The following DLGAP1 variants were observed in gnomAD, a reference collection of about 807,000 sequenced individuals.
DLGAP1 encodes the protein disks large-associated protein 1.
Under a neutral mutation model 90.8 loss-of-function variants are expected in DLGAP1, and 11 were observed. That is an observed-to-expected ratio of 0.12 (90% CI 0.08 to 0.20). DLGAP1 has a LOEUF of 0.20. Ranked by LOEUF, DLGAP1 falls within the 10% of genes least tolerant of loss-of-function variation. DLGAP1 has a pLI of 1.00. For synonymous variants in DLGAP1, 558 were observed against 540.7 expected, an observed-to-expected ratio of 1.03 and a Z score of -0.44; for missense variants, 1,050 against 1,333.8, an observed-to-expected ratio of 0.79 and a Z score of 3.31.
At chr18:4,096,136 C>T (rs1416339941) in intron 2 of DLGAP1, among the ~76,000 whole-genome samples, 4 of 152,290 alleles carry the variant, frequency 2.6e-5, no homozygotes, top group South Asian at 2.1e-4. Flanking sequence ...AGTGATTCTC[C>T]TGCTTCAGCC....
chr18:3,977,434 G>GGTTTTTT (rs767760816), intron 3 of DLGAP1, among the ~76,000 whole-genome samples: 20 of 95,338 alleles, frequency 2.1e-4, no homozygotes, highest in African/African-American at 5.8e-4. Context: ...TTTATTCTGT[G>GGTTTTTT]TTTTTTTTTT....
At chr18:4,263,859 T>C (rs1181429427) in intron 1 of DLGAP1, among the ~76,000 whole-genome samples, 1 of 152,220 alleles carries the variant, frequency 6.6e-6, no homozygotes, top group African/African-American at 2.4e-5. Flanking sequence ...AATGAGAAGA[T>C]ATGATTTATA....
intron 2 of DLGAP1, among the ~76,000 whole-genome samples, chr18:4,022,585 A>G (rs1282494635): frequency 2.0e-5 from 3 of 152,190 alleles, no homozygotes; most frequent in Non-Finnish European, 2.9e-5. Context: ...TGCTTTTTAC[A>G]TTCCATCATA....
chr18:3,616,315 G>C (rs2057862103), intron 7 of DLGAP1, among the ~76,000 whole-genome samples: 1 of 152,108 alleles, frequency 6.6e-6, no homozygotes. Flanking sequence ...TGTCTGACCT[G>C]ACTACTCTAT....
chr18:3,642,786 T>C (rs1230127325), intron 7 of DLGAP1, among the ~76,000 whole-genome samples: 1 of 152,224 alleles, frequency 6.6e-6, no homozygotes, highest in Non-Finnish European at 1.5e-5. Flanking sequence ...TAAGATACAT[T>C]CTTTGTCCAG....
chr18:4,279,994 A>C (rs1185892504), intron 1 of DLGAP1, among the ~76,000 whole-genome samples: 3 of 152,180 alleles, frequency 2.0e-5, no homozygotes, highest in Non-Finnish European at 4.4e-5. Flanking sequence ...ATAATGAATA[A>C]AAACAAGCTG....
chr18:4,446,282 G>T lies in DLGAP1; in HGVS notation c.-267+8724C>A, dbSNP rs373467408. On this transcript the variant is annotated intron_variant, in intron 1 of 12. Coordinates refer to ENST00000315677, the MANE Select transcript of DLGAP1 (RefSeq NM_004746.4). The stretch of plus-strand genomic sequence containing the variant: ...AGCGAATGGGATTGTTGCTCTTTTG[G>T]GGGGCTCCAGGACAAAGTTTGAGGA... 3.4e-4 allele frequency among the ~76,000 whole-genome samples: 51 copies of T among 152,192 alleles called. No individual in the cohort carries two copies. The East Asian group carries it at 9.3e-3, about 28-fold the overall frequency.
At chr18:3,592,868 GAAAAAGAA>G (rs2056341931) in intron 7 of DLGAP1, among the ~76,000 whole-genome samples, 1 of 47,816 alleles carries the variant, frequency 2.1e-5, no homozygotes, top group Admixed American at 2.6e-4. Flanking sequence ...AAAAAAAAAA[GAAAAAGAA>G]AGAAAGAAAA....
rs554224735 is a variant in DLGAP1 at position 3,762,306 on chromosome 18, A to G, written c.1173-19794T>C. Reference sequence around the variant, plus strand: ...AGTTTATGAACCAGTAAGAAAAGAAATAACTTTATTGCTAAGAAAGATGTA... The same window carrying G: ...AGTTTATGAACCAGTAAGAAAAGAAGTAACTTTATTGCTAAGAAAGATGTA... On this transcript the variant is annotated intron_variant, in intron 5 of 12. Coordinates refer to ENST00000315677, the MANE Select transcript of DLGAP1 (RefSeq NM_004746.4). Among the ~76,000 whole-genome samples, 10 of 152,376 alleles carry G rather than the reference A, an allele frequency of 6.6e-5. No homozygotes were observed. The South Asian group carries it at 8.3e-4, about 13-fold the overall frequency.
intron 1 of DLGAP1, among the ~76,000 whole-genome samples, chr18:4,197,485 T>C (rs1328686573): frequency 2.0e-5 from 3 of 152,044 alleles, no homozygotes; most frequent in Non-Finnish European, 2.9e-5. Flanking sequence ...CGATCAAGTC[T>C]GTATTGGAGG....
intron 2 of DLGAP1, among the ~76,000 whole-genome samples, chr18:4,099,479 A>C (rs979388950): frequency 5.9e-5 from 9 of 152,180 alleles, no homozygotes; most frequent in Non-Finnish European, 1.2e-4. Context: ...TGTACACTGC[A>C]CTGTAGTTTA....
intron 2 of DLGAP1, among the ~76,000 whole-genome samples, chr18:4,013,199 T>G (rs1346804437): frequency 6.6e-6 from 1 of 152,206 alleles, no homozygotes; most frequent in East Asian, 1.9e-4. Context: ...CAAATCATGA[T>G]TGCAAATGCT....
intron 1 of DLGAP1, among the ~76,000 whole-genome samples, chr18:4,343,996 TGATG>T (rs747846538): frequency 1.3e-5 from 2 of 152,216 alleles, no homozygotes; most frequent in Non-Finnish European, 2.9e-5. Flanking sequence ...AAAATGATGA[TGATG>T]AATTGTGGTT....
intron 9 of DLGAP1, among the ~76,000 whole-genome samples, chr18:3,559,380 G>A (rs2144966746): frequency 6.6e-6 from 1 of 152,192 alleles, no homozygotes; most frequent in South Asian, 2.1e-4. Flanking sequence ...GGGTTAAACT[G>A]ATTATCTAGT....
intron 1 of DLGAP1, among the ~76,000 whole-genome samples, chr18:4,185,103 T>C (rs924195254): frequency 1.3e-5 from 2 of 152,122 alleles, no homozygotes; most frequent in Non-Finnish European, 2.9e-5. Context: ...GTCTGTTAAA[T>C]ACTATTTACC....
At chr18:3,847,326 G>C (rs897768964) in intron 4 of DLGAP1, among the ~76,000 whole-genome samples, 1 of 152,152 alleles carries the variant, frequency 6.6e-6, no homozygotes, top group African/African-American at 2.4e-5. Flanking sequence ...GAGAAAGGAT[G>C]ACCCCAAATG....
At chr18:3,661,225 T>C (rs973076841) in intron 7 of DLGAP1, among the ~76,000 whole-genome samples, 1 of 152,218 alleles carries the variant, frequency 6.6e-6, no homozygotes, top group Non-Finnish European at 1.5e-5. Flanking sequence ...AGCCTTAACA[T>C]GACTGCAAAA....
intron 3 of DLGAP1, among the ~76,000 whole-genome samples, chr18:3,991,181 AC>A (rs1420370319): frequency 5.3e-5 from 8 of 152,178 alleles, no homozygotes; most frequent in African/African-American, 1.2e-4. Context: ...ATATAAAAAA[AC>A]AAAAAACAAA....
chr18:3,640,557 GGCCC>G (rs2058900601), intron 7 of DLGAP1, among the ~76,000 whole-genome samples: 2 of 152,342 alleles, frequency 1.3e-5, no homozygotes, highest in South Asian at 4.1e-4. Flanking sequence ...CGGCAGGTCA[GGCCC>G]CAGGGGTGGT....
Sources: gnomAD v4.1 joint callset for allele counts (sites outside exome capture counted in the v4.1 genomes callset) on GRCh38, gnomAD v4.1.1 for gene constraint, MANE v1.5 for transcripts, NCBI Gene and HGNC (gene_info 2026-07-23, HGNC 2026-07-21) for gene names.